ERC2: variants seen among roughly 807,000 people sequenced by gnomAD.
ERC2 encodes ERC protein 2.
ERC2 carries 42 observed loss-of-function variants against 114.8 expected under a neutral mutation model. The ratio of observed to expected loss-of-function variants is 0.37; its 90% CI spans 0.29 to 0.47. The LOEUF (loss-of-function observed/expected upper bound fraction) is 0.47, where lower values mean the gene tolerates loss of function less well. Ranked by LOEUF, ERC2 falls within the 20% of genes least tolerant of loss-of-function variation. The pLI is 0.99. For synonymous variants in ERC2, 454 were observed against 425.5 expected (o/e 1.07, Z -0.82); for missense variants, 939 against 1,150.7 (o/e 0.82, Z 2.66).
At chr3:56,194,905 A>G (rs2048004277) in intron 3 of ERC2, among the ~76,000 whole-genome samples, 1 of 152,182 alleles carries the variant, frequency 6.6e-6, no homozygotes, top group South Asian at 2.1e-4. Context: ...TCTTTTCTAC[A>G]TGAATGTGTG....
At chr3:55,885,765 T>C (rs1297962466) in intron 14 of ERC2, among the ~76,000 whole-genome samples, 1 of 152,198 alleles carries the variant, frequency 6.6e-6, no homozygotes, top group African/African-American at 2.4e-5. Context: ...GCCATTTGCA[T>C]ACATATATCA....
rs770426790 is a variant in ERC2, at chr3:55,799,362, T to TTATA, written c.2565-64448_2565-64445dup. ...CGGTATTCTTCCAGGACCACAATTC[T>TTATA]TATATATATATATATGCCTTATATA... On this transcript the variant is annotated intron_variant, in intron 14 of 17. Coordinates refer to ENST00000288221, the MANE Select transcript of ERC2 (RefSeq NM_015576.3). 2.6e-3 allele frequency among the ~76,000 whole-genome samples: 350 copies of TTATA among 133,682 alleles called. 1 individual carries two copies. Among genetic ancestry groups the TTATA allele is most frequent in the African/African-American group, 9.2e-3 (328 of 35,610 alleles). The allele number at this position is 133,682 out of a possible 152,430, so 87.7% of individuals were successfully genotyped here.
chr3:55,691,573 A>ATATATAT (rs1361667113), intron 16 of ERC2, among the ~76,000 whole-genome samples: 2 of 39,732 alleles, frequency 5.0e-5, no homozygotes, highest in Non-Finnish European at 9.3e-5. Flanking sequence ...AAAAAAAAAA[A>ATATATAT]ATATATATAT....
intron 17 of ERC2, among the ~76,000 whole-genome samples, chr3:55,626,204 A>T (rs1281436588): frequency 1.3e-5 from 2 of 152,196 alleles, no homozygotes; most frequent in African/African-American, 4.8e-5. Flanking sequence ...ACTGTCCTTG[A>T]TGGCCCTGAG....
intron 6 of ERC2, among the ~76,000 whole-genome samples, chr3:56,138,006 C>T (rs1172661746): frequency 6.6e-6 from 1 of 151,682 alleles, no homozygotes; most frequent in Non-Finnish European, 1.5e-5. Context: ...AATACCCATA[C>T]CTTTGCATTC....
At chr3:56,004,095 CCCT>C (rs2072284482) in intron 10 of ERC2, among the ~76,000 whole-genome samples, 5 of 151,958 alleles carry the variant, frequency 3.3e-5, no homozygotes, top group Admixed American at 3.3e-4. Flanking sequence ...TAAAGAAACT[CCCT>C]CCTCAGGTAT....
At chr3:55,893,092 A>G (rs929060022) in intron 13 of ERC2, among the ~76,000 whole-genome samples, 5 of 152,240 alleles carry the variant, frequency 3.3e-5, no homozygotes, top group African/African-American at 1.2e-4. Flanking sequence ...TTTGCAACCC[A>G]GGAGAGGGCC....
chr3:56,034,023 A>T (rs1372587688), intron 7 of ERC2, among the ~76,000 whole-genome samples: 2 of 152,212 alleles, frequency 1.3e-5, no homozygotes, highest in Non-Finnish European at 2.9e-5. Flanking sequence ...GAATCAAAAG[A>T]CATAGAATGT....
intron 3 of ERC2, among the ~76,000 whole-genome samples, chr3:56,295,135 T>C (rs767494195): frequency 3.9e-5 from 6 of 152,230 alleles, no homozygotes; most frequent in Non-Finnish European, 8.8e-5. Context: ...TAGTTTGGTC[T>C]AGAAGGAAAT....
chr3:56,407,922 G>A (rs1316656115), intron 2 of ERC2, among the ~76,000 whole-genome samples: 1 of 152,146 alleles, frequency 6.6e-6, no homozygotes, highest in African/African-American at 2.4e-5. Flanking sequence ...GTCCTACTCT[G>A]TCTTCATGCT....
At chr3:56,223,089 C>T (rs1435084198) in intron 3 of ERC2, among the ~76,000 whole-genome samples, 3 of 152,206 alleles carry the variant, frequency 2.0e-5, no homozygotes, top group South Asian at 4.1e-4. Flanking sequence ...AAGAATTTAA[C>T]CACTTCCCTC....
intron 15 of ERC2, among the ~76,000 whole-genome samples, chr3:55,730,048 T>C (rs2065160732): frequency 1.3e-5 from 2 of 151,690 alleles, no homozygotes; most frequent in South Asian, 4.2e-4. Flanking sequence ...CCTGGACAGG[T>C]TGGGAGTCAC....
chr3:55,512,913 C>T (rs940266710), intron 17 of ERC2, among the ~76,000 whole-genome samples: 1 of 152,248 alleles, frequency 6.6e-6, no homozygotes, highest in East Asian at 1.9e-4. Flanking sequence ...CCTCAAGTGA[C>T]ACCGCCAGCA....
intron 7 of ERC2, among the ~76,000 whole-genome samples, chr3:56,076,058 C>T (rs1335245385): frequency 6.6e-6 from 1 of 152,128 alleles, no homozygotes; most frequent in Non-Finnish European, 1.5e-5. Context: ...GGTCCATATA[C>T]ACCACTCCCA....
At chr3:55,860,870 C>A (rs971894694) in intron 14 of ERC2, among the ~76,000 whole-genome samples, 1 of 152,158 alleles carries the variant, frequency 6.6e-6, no homozygotes, top group Admixed American at 6.5e-5. Context: ...GAAGAGAGAG[C>A]CTTCTGAGAA....
chr3:56,026,340 G>A (rs1016764419), intron 7 of ERC2, among the ~76,000 whole-genome samples: 4 of 152,112 alleles, frequency 2.6e-5, no homozygotes, highest in East Asian at 1.9e-4. Flanking sequence ...ATGGGCTGCC[G>A]CAACCAGCCA....
chr3:55,691,576 ATATATATATAT>A (rs2062668781), intron 16 of ERC2, among the ~76,000 whole-genome samples: 67 of 53,330 alleles, frequency 1.3e-3, no homozygotes, highest in African/African-American at 5.4e-3. Flanking sequence ...AAAAAAAAAT[ATATATATATAT>A]ATATATATAT....
chr3:55,577,993 A>G (rs1454068962), intron 17 of ERC2, among the ~76,000 whole-genome samples: 1 of 152,192 alleles, frequency 6.6e-6, no homozygotes, highest in African/African-American at 2.4e-5. Context: ...CCCCCACTGC[A>G]GGGAGCTCAC....
chr3:55,944,850 G>C (rs1262810149), intron 13 of ERC2, among the ~76,000 whole-genome samples: 1 of 152,210 alleles, frequency 6.6e-6, no homozygotes, highest in Admixed American at 6.5e-5. Context: ...AAGCACTTCT[G>C]TGCTGACCCT....
Sources: allele counts gnomAD v4.1 joint callset (sites outside exome capture counted in the v4.1 genomes callset), GRCh38; gene constraint gnomAD v4.1.1; transcripts MANE v1.5; gene names NCBI Gene and HGNC (gene_info 2026-07-23, HGNC 2026-07-21).